Variants in RBFOX1 observed in about 807,000 individuals in gnomAD.
RBFOX1 encodes the protein RNA binding protein fox-1 homolog 1.
Under a neutral mutation model 57.7 loss-of-function variants are expected in RBFOX1, and 8 were observed. The observed-to-expected ratio is 0.14, with a 90% CI of 0.08 to 0.25. RBFOX1 has a LOEUF of 0.25. RBFOX1 is among the 10% of genes least tolerant of loss of function. The pLI is 1.00. For missense variants in RBFOX1, 611 were observed against 548.5 expected (o/e 1.11, Z -1.14); for synonymous variants, 326 against 222.4 (o/e 1.47, Z -4.15).
chr16:6,711,222 G>C (rs1229216494), intron 3 of RBFOX1, among the ~76,000 whole-genome samples: 1 of 152,110 alleles, frequency 6.6e-6, no homozygotes, highest in African/African-American at 2.4e-5. Context: ...TTTCTTGCCT[G>C]GATTATCGCA....
intron 2 of RBFOX1, among the ~76,000 whole-genome samples, chr16:5,508,782 GT>G (rs1306885019): frequency 6.6e-6 from 1 of 152,238 alleles, no homozygotes; most frequent in East Asian, 1.9e-4. Flanking sequence ...CCAGCTCACA[GT>G]ATGTCCCTGC....
intron 3 of RBFOX1, among the ~76,000 whole-genome samples, chr16:6,953,427 C>G (rs574103045): frequency 6.6e-6 from 1 of 151,934 alleles, no homozygotes; most frequent in African/African-American, 2.4e-5. Context: ...TGCTTTGTCG[C>G]CAATGCTGGG....
chr16:7,479,270 T>C (rs1010474132), intron 4 of RBFOX1, among the ~76,000 whole-genome samples: 8 of 151,922 alleles, frequency 5.3e-5, no homozygotes, highest in African/African-American at 1.9e-4. Flanking sequence ...ATTACAGGCA[T>C]GCACCACCAC....
At chr16:7,561,023 C>A (rs1014676390) in intron 5 of RBFOX1, among the ~76,000 whole-genome samples, 1 of 152,180 alleles carries the variant, frequency 6.6e-6, no homozygotes, top group Non-Finnish European at 1.5e-5. Context: ...GCTAGGAGCT[C>A]CCTACTGGTT....
At chr16:5,458,777 T>C (rs1057509162) in intron 1 of RBFOX1, among the ~76,000 whole-genome samples, 1 of 152,242 alleles carries the variant, frequency 6.6e-6, no homozygotes, top group Non-Finnish European at 1.5e-5. Flanking sequence ...CCTTCATGCA[T>C]CCATCCGTCC....
At chr16:6,005,205 A>G (rs1453302610) in intron 4 of RBFOX1, among the ~76,000 whole-genome samples, 2 of 152,214 alleles carry the variant, frequency 1.3e-5, no homozygotes, top group Non-Finnish European at 2.9e-5. Flanking sequence ...GTTCAAATGT[A>G]TTCGTGGAAA....
intron 1 of RBFOX1, among the ~76,000 whole-genome samples, chr16:6,232,399 A>G (rs2097469705): frequency 6.6e-6 from 1 of 152,220 alleles, no homozygotes; most frequent in South Asian, 2.1e-4. Context: ...CTTTTGAATA[A>G]TGGGACCGAA....
intron 1 of RBFOX1, among the ~76,000 whole-genome samples, chr16:5,459,485 C>G (rs1383061692): frequency 6.6e-6 from 1 of 151,756 alleles, no homozygotes. Context: ...CTCTGAATCC[C>G]AGGCTCACGT....
intron 4 of RBFOX1, among the ~76,000 whole-genome samples, chr16:7,438,332 T>G (rs879518960): frequency 2.6e-5 from 4 of 152,082 alleles, no homozygotes; most frequent in Non-Finnish European, 5.9e-5. Flanking sequence ...GAGTGCTACT[T>G]TGGATGTCAG....
chr16:6,067,678 G>T (rs1334476666), intron 1 of RBFOX1, among the ~76,000 whole-genome samples: 1 of 152,128 alleles, frequency 6.6e-6, no homozygotes, highest in Non-Finnish European at 1.5e-5. Context: ...ATCTGCAAAG[G>T]GTGGGTTGCT....
chr16:6,864,672 C>T (rs745506371), intron 3 of RBFOX1, among the ~76,000 whole-genome samples: 4 of 151,772 alleles, frequency 2.6e-5, no homozygotes, highest in East Asian at 1.9e-4. Context: ...AAATTCCAAA[C>T]TGGCTTTTAA....
intron 3 of RBFOX1, among the ~76,000 whole-genome samples, chr16:5,765,967 G>A (rs1259657621): frequency 1.3e-5 from 2 of 152,186 alleles, no homozygotes; most frequent in Non-Finnish European, 2.9e-5. Context: ...TGCCATCTTT[G>A]TCTCTGGGGT....
intron 1 of RBFOX1, among the ~76,000 whole-genome samples, chr16:6,257,059 A>G (rs1457700968): frequency 1.3e-5 from 2 of 152,120 alleles, no homozygotes; most frequent in African/African-American, 4.8e-5. Flanking sequence ...CACAGGGGTC[A>G]TTTTTTGATG....
intron 2 of RBFOX1, among the ~76,000 whole-genome samples, chr16:6,561,414 G>A (rs2097177748): frequency 6.6e-6 from 1 of 152,198 alleles, no homozygotes; most frequent in African/African-American, 2.4e-5. Flanking sequence ...TTCAAAATTA[G>A]AACGTGTACC....
intron 1 of RBFOX1, among the ~76,000 whole-genome samples, chr16:6,264,857 A>G (rs13330755): frequency 0.17 from 25,337 of 152,034 alleles, 3,522 homozygotes; most frequent in African/African-American, 0.38. Context: ...TTCCTTGATT[A>G]CCTCTGAGTC....
At chr16:5,758,418 G>C (rs1402397894) in intron 3 of RBFOX1, among the ~76,000 whole-genome samples, 1 of 152,122 alleles carries the variant, frequency 6.6e-6, no homozygotes, top group South Asian at 2.1e-4. Context: ...GCATCTCTTA[G>C]ACTGGGGGAG....
chr16:7,591,538 G>C (rs2094442693), intron 7 of RBFOX1, among the ~76,000 whole-genome samples: 1 of 152,200 alleles, frequency 6.6e-6, no homozygotes, highest in Non-Finnish European at 1.5e-5. Flanking sequence ...AAGTAAGCAA[G>C]TCACGTTGGT....
chr16:6,276,409 A>C (rs575693661), intron 1 of RBFOX1, among the ~76,000 whole-genome samples: 1 of 152,248 alleles, frequency 6.6e-6, no homozygotes, highest in South Asian at 2.1e-4. Flanking sequence ...ATCTTGGCTC[A>C]CTACCACCTC....
At chr16:6,807,165 C>G (rs1253307637) in intron 3 of RBFOX1, among the ~76,000 whole-genome samples, 1 of 151,710 alleles carries the variant, frequency 6.6e-6, no homozygotes, top group African/African-American at 2.4e-5. Flanking sequence ...ACACTGGTTA[C>G]AATGTGAGAA....
Sources: gnomAD v4.1 joint callset for allele counts (sites outside exome capture counted in the v4.1 genomes callset) on GRCh38, gnomAD v4.1.1 for gene constraint, MANE v1.5 for transcripts, NCBI Gene and HGNC (gene_info 2026-07-23, HGNC 2026-07-21) for gene names.